The following FKBP1C variants were observed in gnomAD, a reference collection of about 807,000 sequenced individuals.
The protein encoded by FKBP1C is FKBP prolyl isomerase family member 1C, also known as peptidyl-prolyl cis-trans isomerase FKBP1C.
In FKBP1C, 7 loss-of-function variants were observed where a neutral mutation model predicts 7.1. That is an observed-to-expected ratio of 0.99 (90% CI 0.56 to 1.86). The LOEUF is 1.86. Ranked by LOEUF, FKBP1C falls within the 40% of genes most tolerant of loss-of-function variation. The pLI is 0.00. For synonymous variants in FKBP1C, 56 were observed against 51.2 expected (o/e 1.09, Z -0.40); for missense variants, 159 against 139.9 (o/e 1.14, Z -0.69).
At chr6:63,211,814 T>C in exon 1 of FKBP1C, 3 of 1,612,852 alleles carry the variant, frequency 1.9e-6, no homozygotes, top group South Asian at 1.1e-5. Flanking sequence ...ATGGTGCCAC[T>C]GGGCACCCAG....
exon 1 of FKBP1C, chr6:63,211,546 C>T (rs746141523): frequency 8.4e-6 from 10 of 1,185,056 alleles, no homozygotes; most frequent in African/African-American, 1.5e-5. Context: ...CGCTCGGCGT[C>T]GGCCGCCGCC....
At chr6:63,211,841 T>C (rs45525940) in exon 1 of FKBP1C, 1 of 1,613,200 alleles carries the variant, frequency 6.2e-7, no homozygotes, top group Admixed American at 1.7e-5. Flanking sequence ...TCCCACCACA[T>C]GCCACTCTCG....
At chr6:63,211,948 AGACG>A in exon 1 of FKBP1C, 6 of 1,560,988 alleles carry the variant, frequency 3.8e-6, no homozygotes, top group East Asian at 2.2e-5. Flanking sequence ...TGGTGCCTCC[AGACG>A]TGTGCACATA....
exon 1 of FKBP1C, chr6:63,211,998 C>T: frequency 8.1e-7 from 1 of 1,228,484 alleles, no homozygotes. Flanking sequence ...TTCCACTCCA[C>T]TTTGTATAGA....
the FKBP1C span, chr6:63,211,618 AG>A: frequency 6.2e-7 from 1 of 1,600,982 alleles, no homozygotes; most frequent in Non-Finnish European, 8.6e-7. Flanking sequence ...AAGCGCAGCC[AG>A]ACCTGCGTGA....
exon 1 of FKBP1C, chr6:63,211,523 C>T (rs1024585804): frequency 1.0e-5 from 9 of 876,874 alleles, no homozygotes; most frequent in Non-Finnish European, 1.5e-5. Flanking sequence ...CGCCGCCCGT[C>T]GCGCTGCCCG....
chr6:63,211,547 G>T, exon 1 of FKBP1C: 2 of 1,204,806 alleles, frequency 1.7e-6, no homozygotes, highest in Non-Finnish European at 2.4e-6. Flanking sequence ...GCTCGGCGTC[G>T]GCCGCCGCCA....
In FKBP1C at chr6:63,211,520, C is replaced by A. The variant is rs549556802; in HGVS notation, c.-37C>A. ...CAGGTCGCTGTCGGTCCACGCCGCC[C>A]GTCGCGCTGCCCGCCCGCTCGGCGT... On this transcript the variant is annotated 5_prime_UTR_variant, in exon 1 of 1. Coordinates refer to ENST00000370659, the Ensembl canonical transcript of FKBP1C. 7.2e-5 allele frequency: 61 copies of A among 851,968 alleles called. 1 individual carries two copies. In the African/African-American group the frequency reaches 8.4e-4, roughly 12 times the overall value. 52.8% of individuals were successfully genotyped at this position (851,968 alleles called of 1,614,324 possible).
Position 63,212,337 on chromosome 6 carries a change from G to A in FKBP1C, c.*454G>A, listed in dbSNP as rs190994211. On this transcript the variant is annotated 3_prime_UTR_variant, in exon 1 of 1. Transcript: ENST00000370659. ...ATATATTAAACATTCTTGCTGCTGC[G>A]CTGCAAAACCATAGCAGATTTGAGG... 51 of 190,204 alleles carry A rather than the reference G, an allele frequency of 2.7e-4. 2 individuals are homozygous for A. Among genetic ancestry groups the A allele is most frequent in the African/African-American group, 8.8e-4 (37 of 41,824 alleles). The allele number at this position is 190,204 out of a possible 1,614,324, so 11.8% of individuals were successfully genotyped here. A position where few individuals can be genotyped will look rare whatever the true frequency, so the allele number is the denominator to read the frequency against.
exon 1 of FKBP1C, chr6:63,211,693 C>A: frequency 6.2e-7 from 1 of 1,614,004 alleles, no homozygotes; most frequent in Non-Finnish European, 8.5e-7. Flanking sequence ...AGAAACAAGC[C>A]CTTTAAGTTT....
exon 1 of FKBP1C, chr6:63,212,742 A>C (rs1766125046): frequency 6.0e-6 from 1 of 166,956 alleles, no homozygotes; most frequent in Admixed American, 6.5e-5. Flanking sequence ...TGTAGACTTA[A>C]CACCCAGTGA....
At chr6:63,211,707 C>T in exon 1 of FKBP1C, 1 of 1,613,974 alleles carries the variant, frequency 6.2e-7, no homozygotes, top group African/African-American at 1.3e-5. Context: ...TAAGTTTATG[C>T]TAGGCAAGCA....
At chr6:63,212,075 C>G in exon 1 of FKBP1C, 1 of 678,132 alleles carries the variant, frequency 1.5e-6, no homozygotes, top group African/African-American at 1.8e-5. Flanking sequence ...TCCTCTTCCC[C>G]TTTCTCCTGG....
In FKBP1C at chr6:63,211,596, C is replaced by T. The variant is rs200375360; in HGVS notation, c.40C>T (p.Arg14Cys). 1.8e-4 allele frequency: 282 copies of T among 1,551,294 alleles called. 2 individuals are homozygous for T. Among genetic ancestry groups the T allele is most frequent in the South Asian group, 1.1e-3 (98 of 89,526 alleles). ...GGAAACCATCTCCCCAGGAGACTGG[C>T]GCACCTTCCCGAAGCGCAGCCAGAC... Residue 14 changes from arginine to cysteine, a missense_variant, in exon 1 of 1, where the codon CGC (arginine) becomes TGC (cysteine). Transcript: ENST00000370659.
At chr6:63,211,501 G>C in exon 1 of FKBP1C, 1 of 684,882 alleles carries the variant, frequency 1.5e-6, no homozygotes, top group Non-Finnish European at 2.6e-6. Context: ...CCGCCAGGTC[G>C]CTGTCGGTCC....
exon 1 of FKBP1C, chr6:63,212,018 CAACT>C (rs1766112447): frequency 9.5e-7 from 1 of 1,054,246 alleles, no homozygotes; most frequent in Non-Finnish European, 1.4e-6. Flanking sequence ...ACATCTGCCC[CAACT>C]GAATGTGTTC....
At position 63,211,833 on chromosome 6, in the gene FKBP1C, C is replaced by G. The variant is rs1166630972; in HGVS notation, c.277C>G (p.Pro93Ala). The change falls in exon 1 of 1, where the codon CCA (proline) becomes GCA (alanine). Residue 93 changes from proline to alanine, a missense_variant. Transcript: ENST00000370659. ...TGCCACTGGGCACCCAGGCATCATC[C>G]CACCACATGCCACTCTCGTCTTCGA... The G allele has an allele frequency of 5.0e-6, 8 of 1,612,770 alleles. No individual in the cohort carries two copies. In the Admixed American group the frequency reaches 6.7e-5, roughly 13 times the overall value.
At chr6:63,213,000 G>C (rs1445463244) in exon 1 of FKBP1C, 1 of 147,388 alleles carries the variant, frequency 6.8e-6, no homozygotes, top group Non-Finnish European at 1.6e-5. Context: ...TGCAATAAAA[G>C]TGCTTTATGC....
chr6:63,211,767 C>G lies in FKBP1C; in HGVS notation c.211C>G (p.Gln71Glu), dbSNP rs754394600. The G allele has an allele frequency of 6.8e-6, 11 of 1,613,820 alleles. No individual in the cohort carries two copies. In the South Asian group the frequency reaches 1.2e-4, roughly 18 times the overall value. Reference sequence around the variant, plus strand: ...AGGGGTTGTCCAGATGAGTGTGGGTCAGAGAGCCAAACTGACTATATCTCC... The same window carrying G: ...AGGGGTTGTCCAGATGAGTGTGGGTGAGAGAGCCAAACTGACTATATCTCC... The change falls in exon 1 of 1, where the codon CAG (glutamine) becomes GAG (glutamate). Residue 71 changes from glutamine (Q) to glutamate (E), a missense_variant. Transcript: ENST00000370659.
Sources: gnomAD v4.1 joint callset for allele counts on GRCh38, gnomAD v4.1.1 for gene constraint, MANE v1.5 for transcripts, NCBI Gene and HGNC (gene_info 2026-07-23, HGNC 2026-07-21) for gene names.